DACH1: variants seen among roughly 807,000 people sequenced by gnomAD.
DACH1 encodes dachshund homolog 1.
Under a neutral mutation model 54.2 loss-of-function variants are expected in DACH1, and 12 were observed. The ratio of observed to expected loss-of-function variants is 0.22; its 90% CI spans 0.14 to 0.36. The LOEUF is 0.36. DACH1 is among the 10% of genes least tolerant of loss of function. DACH1 has a pLI of 1.00. For missense variants in DACH1, 805 were observed against 929.8 expected, an observed-to-expected ratio of 0.87 and a Z score of 1.75; for synonymous variants, 386 against 366.2, an observed-to-expected ratio of 1.05 and a Z score of -0.62.
At chr13:71,553,642 T>C (rs1884046632) in intron 6 of DACH1, among the ~76,000 whole-genome samples, 1 of 143,280 alleles carries the variant, frequency 7.0e-6, no homozygotes, top group Non-Finnish European at 1.5e-5. Context: ...TTTTGTATTT[T>C]ATATATATAG....
rs112252739 is a variant in DACH1, at chr13:71,793,759, T to A, written c.848+72163A>T. 4.6e-5 allele frequency among the ~76,000 whole-genome samples: 7 copies of A among 152,264 alleles called. 2 individuals carry two copies. Among genetic ancestry groups the A allele is most frequent in the African/African-American group, 1.7e-4 (7 of 41,566 alleles). On this transcript the variant is annotated intron_variant, in intron 1 of 10. Coordinates refer to ENST00000613252, the MANE Select transcript of DACH1 (RefSeq NM_080759.6). ...CCAGGCTGGTCTCAAACTACTGGGT[T>A]TAAGCGATCCTCCCACCTCAGCCTC...
chr13:71,583,515 C>T (rs568098026), intron 3 of DACH1, among the ~76,000 whole-genome samples: 47 of 152,176 alleles, frequency 3.1e-4, no homozygotes, highest in Middle Eastern at 6.8e-3. Context: ...ATTTTAAATA[C>T]TTTCAGTGTG....
chr13:71,766,922 T>G (rs748099161), intron 1 of DACH1, among the ~76,000 whole-genome samples: 1 of 151,800 alleles, frequency 6.6e-6, no homozygotes, highest in Middle Eastern at 3.4e-3. Flanking sequence ...ATCTTGCAGA[T>G]ATATGTGAAA....
chr13:71,615,279 G>A (rs1049467303), intron 3 of DACH1, among the ~76,000 whole-genome samples: 4 of 152,034 alleles, frequency 2.6e-5, no homozygotes, highest in East Asian at 1.9e-4. Context: ...ATTTTTAGGC[G>A]TTATTTTATC....
At chr13:71,773,963 C>A (rs1369778185) in intron 1 of DACH1, among the ~76,000 whole-genome samples, 1 of 143,794 alleles carries the variant, frequency 7.0e-6, no homozygotes, top group Non-Finnish European at 1.5e-5. Flanking sequence ...GCCAGTCACT[C>A]TATTGCCTGT....
At chr13:71,583,421 A>G (rs1433535118) in intron 3 of DACH1, among the ~76,000 whole-genome samples, 2 of 152,244 alleles carry the variant, frequency 1.3e-5, no homozygotes, top group Admixed American at 1.3e-4. Flanking sequence ...TCAAAGAAAT[A>G]GGATTTTTTA....
intron 2 of DACH1, among the ~76,000 whole-genome samples, chr13:71,662,273 T>C (rs1251163217): frequency 6.6e-6 from 1 of 152,082 alleles, no homozygotes; most frequent in East Asian, 1.9e-4. Flanking sequence ...TCAAATACTA[T>C]TGTTAAAAGG....
At chr13:71,558,013 A>T (rs974066532) in intron 5 of DACH1, among the ~76,000 whole-genome samples, 1 of 151,954 alleles carries the variant, frequency 6.6e-6, no homozygotes, top group Non-Finnish European at 1.5e-5. Flanking sequence ...TGGGAAAACC[A>T]GTGCAATTTA....
At chr13:71,686,006 A>G (rs1163529318) in intron 1 of DACH1, among the ~76,000 whole-genome samples, 1 of 152,212 alleles carries the variant, frequency 6.6e-6, no homozygotes, top group Non-Finnish European at 1.5e-5. Context: ...TTCTTCTGGA[A>G]TGTTCAATTA....
chr13:71,519,883 G>GTGTA lies in DACH1; in HGVS notation c.1571-30736_1571-30735insTACA, dbSNP rs552808622. Among the ~76,000 whole-genome samples the GTGTA allele has an allele frequency of 8.5e-4, 25 of 29,338 alleles. 4 individuals carry two copies. The East Asian group carries it at 0.024, about 28-fold the overall frequency. The allele number at this position is 29,338 out of a possible 152,430, so 19.2% of individuals were successfully genotyped here. ...AGATGTTTGTGTCCAAACCAAAGTA[G>GTGTA]TATATATATATATATATATATATAT... On this transcript the variant is annotated intron_variant, in intron 6 of 10. Coordinates refer to ENST00000613252, the MANE Select transcript of DACH1 (RefSeq NM_080759.6).
At chr13:71,548,837 A>C (rs1883625369) in intron 6 of DACH1, among the ~76,000 whole-genome samples, 1 of 152,004 alleles carries the variant, frequency 6.6e-6, no homozygotes, top group Admixed American at 6.6e-5. Flanking sequence ...GATCACTTGA[A>C]CCCAGGAGGT....
At chr13:71,705,572 C>A (rs1882400498) in intron 1 of DACH1, among the ~76,000 whole-genome samples, 1 of 152,122 alleles carries the variant, frequency 6.6e-6, no homozygotes, top group Non-Finnish European at 1.5e-5. Flanking sequence ...GATTTGAATT[C>A]TTCATTGAAT....
rs555256117 is a variant in DACH1, at chr13:71,490,696, G to GAC, written c.1571-1550_1571-1549dup. Among the ~76,000 whole-genome samples the GAC allele has an allele frequency of 1.5e-3, 235 of 152,298 alleles. 1 individual carries two copies. The highest frequency in any genetic ancestry group is 5.5e-3 in the African/African-American group (229 of 41,576). ...GGCTAATGTGAGCAAGGTGATCTTGGACACCATTTACCTAGCTATCATAAA... is the reference window on the plus strand; with the variant it reads ...GGCTAATGTGAGCAAGGTGATCTTGGACACACCATTTACCTAGCTATCATAAA... On this transcript the variant is annotated intron_variant, in intron 6 of 10. Transcript: ENST00000613252.
chr13:71,863,896 A>T (rs943772504), intron 1 of DACH1, among the ~76,000 whole-genome samples: 4 of 151,134 alleles, frequency 2.6e-5, no homozygotes, highest in Non-Finnish European at 5.9e-5. Context: ...AAAGAGAAAA[A>T]AAAAGTAGCA....
At chr13:71,795,187 GTT>G (rs35577505) in intron 1 of DACH1, among the ~76,000 whole-genome samples, 2 of 151,544 alleles carry the variant, frequency 1.3e-5, no homozygotes, top group Admixed American at 6.6e-5. Context: ...TTTACAAAAT[GTT>G]TTTTTTTGTT....
chr13:71,700,423 A>T (rs1445277999), intron 1 of DACH1, among the ~76,000 whole-genome samples: 1 of 151,764 alleles, frequency 6.6e-6, no homozygotes, highest in African/African-American at 2.4e-5. Flanking sequence ...GGGGGTGGTG[A>T]CGCACGGCTG....
chr13:71,794,142 G>C (rs1345540822), intron 1 of DACH1, among the ~76,000 whole-genome samples: 1 of 152,040 alleles, frequency 6.6e-6, no homozygotes, highest in Non-Finnish European at 1.5e-5. Flanking sequence ...TATTTACCCA[G>C]CCTGTCCAAG....
chr13:71,550,536 T>C (rs996140574), intron 6 of DACH1, among the ~76,000 whole-genome samples: 1 of 152,152 alleles, frequency 6.6e-6, no homozygotes, highest in Non-Finnish European at 1.5e-5. Flanking sequence ...ATAAATATTA[T>C]AGTCTATATT....
At chr13:71,620,064 T>G (rs991844551) in intron 3 of DACH1, among the ~76,000 whole-genome samples, 1 of 151,938 alleles carries the variant, frequency 6.6e-6, no homozygotes, top group Non-Finnish European at 1.5e-5. Context: ...TACAAACTAA[T>G]TTGACCACCT....
Sources: gnomAD v4.1 joint callset for allele counts (sites outside exome capture counted in the v4.1 genomes callset) on GRCh38, gnomAD v4.1.1 for gene constraint, MANE v1.5 for transcripts, NCBI Gene and HGNC (gene_info 2026-07-23, HGNC 2026-07-21) for gene names.